PCDHAC1: variants seen among roughly 807,000 people sequenced by gnomAD.
PCDHAC1 encodes the protein protocadherin alpha-C1.
Under a neutral mutation model 60.0 loss-of-function variants are expected in PCDHAC1, and 42 were observed. That is an observed-to-expected ratio of 0.70 (90% CI 0.55 to 0.90). The LOEUF (loss-of-function observed/expected upper bound fraction) is 0.90. PCDHAC1 is among the 40% of genes least tolerant of loss of function. The pLI is 0.00. For synonymous variants in PCDHAC1, 468 were observed against 499.3 expected (o/e 0.94, Z 0.84); for missense variants, 1,160 against 1,222.3 (o/e 0.95, Z 0.76).
intron 1 of PCDHAC1, among the ~76,000 whole-genome samples, chr5:140,960,324 G>A (rs2095540604): frequency 6.6e-6 from 1 of 152,168 alleles, no homozygotes; most frequent in Non-Finnish European, 1.5e-5. Context: ...AGGGTCCTGT[G>A]AGAAGTACAT....
chr5:140,936,619 T>C (rs2153629684), intron 1 of PCDHAC1, among the ~76,000 whole-genome samples: 1 of 152,366 alleles, frequency 6.6e-6, no homozygotes, highest in East Asian at 1.9e-4. Context: ...TACTGTGCAG[T>C]GCTACCTTTG....
At chr5:140,964,482 G>A (rs1554227054) in intron 1 of PCDHAC1, among the ~76,000 whole-genome samples, 1 of 152,144 alleles carries the variant, frequency 6.6e-6, no homozygotes, top group African/African-American at 2.4e-5. Flanking sequence ...TTTTTTCACA[G>A]TCACAGGTCT....
intron 1 of PCDHAC1, among the ~76,000 whole-genome samples, chr5:140,946,591 A>C (rs972556402): frequency 5.0e-5 from 6 of 119,488 alleles, no homozygotes; most frequent in African/African-American, 2.1e-4. Context: ...ATAGTGGATG[A>C]ATAGATAAAG....
intron 1 of PCDHAC1, among the ~76,000 whole-genome samples, chr5:140,958,989 A>C (rs2095457963): frequency 6.6e-6 from 1 of 152,064 alleles, no homozygotes; most frequent in Non-Finnish European, 1.5e-5. Flanking sequence ...TATTGTTGCT[A>C]ATCTTTTACT....
At position 140,941,253 on chromosome 5, in the gene PCDHAC1, TTC is replaced by T. The variant is rs371538795; in HGVS notation, c.2433+11932_2433+11933del. 4.9e-3 allele frequency among the ~76,000 whole-genome samples: 316 copies of T among 64,734 alleles called. 2 individuals carry two copies. The highest frequency in any genetic ancestry group is 6.9e-3 in the Admixed American group (39 of 5,692). 42.5% of individuals were successfully genotyped at this position (64,734 alleles called of 152,430 possible). On this transcript the variant is annotated intron_variant, in intron 1 of 3. Coordinates refer to ENST00000253807, the MANE Select transcript of PCDHAC1 (RefSeq NM_018898.5). ...TTTCTTTCTTTCTTTCTTTCTTTCT[TTC>T]TCTTTCTTTCTTTCTTTCCTTCCTT...
intron 1 of PCDHAC1, among the ~76,000 whole-genome samples, chr5:140,937,317 G>A (rs1282380622): frequency 1.3e-5 from 2 of 152,048 alleles, no homozygotes; most frequent in Non-Finnish European, 2.9e-5. Context: ...GATTACAGGC[G>A]TGAGCCACCG....
intron 1 of PCDHAC1, among the ~76,000 whole-genome samples, chr5:140,964,058 A>C (rs147228403): frequency 1.4e-3 from 207 of 152,356 alleles, no homozygotes; most frequent in Admixed American, 4.3e-3. Flanking sequence ...TGGTGTGGTC[A>C]AGGCATTAGT....
At chr5:140,996,503 G>A (rs1306027159) in intron 3 of PCDHAC1, among the ~76,000 whole-genome samples, 1 of 152,120 alleles carries the variant, frequency 6.6e-6, no homozygotes, top group African/African-American at 2.4e-5. Context: ...TGGCTTCTTG[G>A]GGCCCAGCAT....
chr5:140,963,348 T>C (rs1415746589), intron 1 of PCDHAC1, among the ~76,000 whole-genome samples: 7 of 152,234 alleles, frequency 4.6e-5, no homozygotes, highest in Admixed American at 4.6e-4. Context: ...GTAAATTTAG[T>C]TCTTTTCAAA....
intron 1 of PCDHAC1, among the ~76,000 whole-genome samples, chr5:140,974,165 G>T (rs1298109600): frequency 6.6e-6 from 1 of 152,164 alleles, no homozygotes; most frequent in Non-Finnish European, 1.5e-5. Flanking sequence ...TTTCTTTCAA[G>T]AATTTTAACT....
chr5:140,931,047 C>G (rs969815598), intron 1 of PCDHAC1, among the ~76,000 whole-genome samples: 5 of 152,166 alleles, frequency 3.3e-5, no homozygotes, highest in African/African-American at 9.6e-5. Context: ...AGAAAAACTT[C>G]AATGCTGTGT....
chr5:141,002,399 T>C (rs1352771753), intron 3 of PCDHAC1, among the ~76,000 whole-genome samples: 1 of 152,236 alleles, frequency 6.6e-6, no homozygotes, highest in African/African-American at 2.4e-5. Context: ...GGCATCTCTG[T>C]GCCTCCCAAA....
At chr5:140,980,585 G>A (rs1181393743) in intron 2 of PCDHAC1, among the ~76,000 whole-genome samples, 2 of 151,902 alleles carry the variant, frequency 1.3e-5, no homozygotes, top group African/African-American at 2.4e-5. Flanking sequence ...AGCCAAGATC[G>A]AGCCACTGCA....
rs2083423230 is a variant in PCDHAC1, at chr5:140,926,634, T to C, written c.-259T>C. ...GCACCCCTAGGCGGCGCTGCGCTCCTCAACACCCGGCCGGCTCCGCTTTCC... is the reference window on the plus strand; with the variant it reads ...GCACCCCTAGGCGGCGCTGCGCTCCCCAACACCCGGCCGGCTCCGCTTTCC... On this transcript the variant is annotated 5_prime_UTR_variant, in exon 1 of 4. Coordinates refer to ENST00000253807, the MANE Select transcript of PCDHAC1 (RefSeq NM_018898.5). 3 of 438,778 alleles carry C rather than the reference T, an allele frequency of 6.8e-6. No homozygotes were observed. Among genetic ancestry groups the C allele is most frequent in the Non-Finnish European group, 1.2e-5 (3 of 258,906 alleles). 27.2% of individuals were successfully genotyped at this position (438,778 alleles called of 1,614,324 possible). A position where few individuals can be genotyped will look rare whatever the true frequency, so the allele number is the denominator to read the frequency against.
rs1229193922 is a variant in PCDHAC1, at chr5:140,929,046, C to CT, written c.2155dup (p.Cys719LeufsTer12). 6.2e-7 allele frequency: 1 copy of CT among 1,614,206 alleles called. No homozygotes were observed. The highest frequency in any genetic ancestry group is 8.5e-7 in the Non-Finnish European group (1 of 1,180,036). ...GCCCAGGCTGTTGCGCTCAGAGCTG[C>CT]TGTCGCTCTACAGAGGATCTGAGGT... On this transcript the variant is annotated frameshift_variant, in exon 1 of 4. Coordinates refer to ENST00000253807, the MANE Select transcript of PCDHAC1 (RefSeq NM_018898.5). LOFTEE classifies it high-confidence loss of function.
intron 1 of PCDHAC1, among the ~76,000 whole-genome samples, chr5:140,975,269 T>A (rs1348655604): frequency 1.3e-5 from 2 of 152,252 alleles, no homozygotes; most frequent in African/African-American, 4.8e-5. Context: ...CTGATTTCTG[T>A]CTCTGACCTC....
In PCDHAC1 at chr5:140,927,602, T is replaced by G. The variant is rs2084408838; in HGVS notation, c.710T>G (p.Val237Gly). ...NDNAPVFERS[V>G]YRTKVPETAP... ...AACGCGCCTGTATTTGAGCGCTCCGTATACCGCACCAAGGTTCCAGAGACT... is the reference window on the plus strand; with the variant it reads ...AACGCGCCTGTATTTGAGCGCTCCGGATACCGCACCAAGGTTCCAGAGACT... The change falls in exon 1 of 4, where the codon GTA becomes GGA. Residue 237 changes from valine (V) to glycine (G), a missense_variant. By Grantham distance (109) the Val-to-Gly change is moderately radical. Coordinates refer to ENST00000253807, the MANE Select transcript of PCDHAC1 (RefSeq NM_018898.5). 6.2e-7 allele frequency: 1 copy of G among 1,614,104 alleles called. No individual in the cohort carries two copies. Among genetic ancestry groups the G allele is most frequent in the African/African-American group, 1.3e-5 (1 of 74,942 alleles).
At chr5:140,945,206 A>G (rs148955371) in intron 1 of PCDHAC1, among the ~76,000 whole-genome samples, 1 of 152,282 alleles carries the variant, frequency 6.6e-6, no homozygotes, top group East Asian at 1.9e-4. Context: ...TACAATAGCT[A>G]TGAGAAAATA....
intron 1 of PCDHAC1, among the ~76,000 whole-genome samples, chr5:140,940,595 G>A (rs1233586288): frequency 2.0e-5 from 3 of 152,100 alleles, no homozygotes; most frequent in East Asian, 1.9e-4. Context: ...TTTCAGGCAT[G>A]AGCCGCTGCT....
Sources: allele counts gnomAD v4.1 joint callset (sites outside exome capture counted in the v4.1 genomes callset), GRCh38; gene constraint gnomAD v4.1.1; transcripts MANE v1.5; gene names NCBI Gene and HGNC (gene_info 2026-07-23, HGNC 2026-07-21).